FRMPD3: variants seen among roughly 807,000 people sequenced by gnomAD.
FRMPD3 encodes FERM and PDZ domain-containing protein 3.
In FRMPD3, 42 loss-of-function variants were observed where a neutral mutation model predicts 97.9. The observed-to-expected ratio is 0.43, with a 90% CI of 0.34 to 0.55. The LOEUF is 0.55. Among genes scored for constraint, FRMPD3 ranks in the 20% least tolerant of loss-of-function variants. FRMPD3 has a pLI of 0.03. For missense variants in FRMPD3, 1,303 were observed against 1,457.7 expected (o/e 0.89, Z 1.73); for synonymous variants, 577 against 581.1 (o/e 0.99, Z 0.10).
intron 1 of FRMPD3, among the ~76,000 whole-genome samples, chrX:107,467,023 T>TGTGTGTGTGA (rs1170634963): frequency 7.1e-5 from 7 of 98,346 alleles, no homozygotes; most frequent in African/African-American, 2.3e-4. Context: ...TGTGTGTGTG[T>TGTGTGTGTGA]GAGAGAGAGA....
chrX:107,510,690 C>T (rs1922143276), intron 1 of FRMPD3, among the ~76,000 whole-genome samples: 1 of 112,252 alleles, frequency 8.9e-6, no homozygotes, highest in East Asian at 2.8e-4. Flanking sequence ...TTCCCTCCCT[C>T]TCAGCAGGAA....
chrX:107,564,301 C>A (rs1490177784), intron 11 of FRMPD3, among the ~76,000 whole-genome samples: 1 of 112,801 alleles, frequency 8.9e-6, no homozygotes, highest in East Asian at 2.8e-4. Context: ...TTGGCCATAC[C>A]TGCTGGAGTG....
chrX:107,579,896 G>T (rs1923305504), intron 13 of FRMPD3, among the ~76,000 whole-genome samples: 1 of 111,908 alleles, frequency 8.9e-6, no homozygotes, highest in African/African-American at 3.2e-5. Context: ...TATATCCCAT[G>T]AGTGGCTTAC....
intron 1 of FRMPD3, among the ~76,000 whole-genome samples, chrX:107,503,878 G>T (rs1921970304): frequency 8.9e-6 from 1 of 112,165 alleles, no homozygotes; most frequent in Non-Finnish European, 1.9e-5. Flanking sequence ...CAAGGAAGGA[G>T]TATTTGATAC....
chrX:107,530,625 G>A, intron 3 of FRMPD3, 114 bp downstream of exon 3: 1 of 562,055 alleles, frequency 1.8e-6, no homozygotes, highest in South Asian at 2.9e-5. Flanking sequence ...TCCAGGCAGA[G>A]AAGCCCTATA....
Position 107,560,380 on chromosome X carries a change from C to T in FRMPD3, c.886C>T (p.Leu296Phe). The T allele has an allele frequency of 1.7e-6, 2 of 1,209,553 alleles. No homozygotes were observed. Among genetic ancestry groups the T allele is most frequent in the Non-Finnish European group, 2.2e-6 (2 of 895,109 alleles). Residue 296 changes from leucine to phenylalanine, a missense_variant, in exon 9 of 15, where the codon CTC (leucine) becomes TTC (phenylalanine). Leu to Phe is a conservative substitution (Grantham distance 22, BLOSUM62 0). Transcript: ENST00000683843. ...SATRPSQKISLKNVEKEWGLE... is the reference protein window; with the variant it reads ...SATRPSQKISFKNVEKEWGLE... ...CACTCGACCTAGTCAGAAGATCTCG[C>T]TCAAGAATGTGGAGTGAGTTGTGCT...
intron 13 of FRMPD3, among the ~76,000 whole-genome samples, chrX:107,587,837 C>T (rs772241564): frequency 4.1e-4 from 46 of 111,937 alleles, no homozygotes; most frequent in Middle Eastern, 4.7e-3. Flanking sequence ...TGCAGTGGCA[C>T]AGTCTTGGCT....
At chrX:107,480,032 C>T (rs1418568167) in intron 1 of FRMPD3, among the ~76,000 whole-genome samples, 1 of 98,347 alleles carries the variant, frequency 1.0e-5, no homozygotes, top group East Asian at 3.2e-4. Context: ...AACCCTGTCT[C>T]ATTTAAAAAA....
chrX:107,505,290 A>G (rs912435758), intron 1 of FRMPD3, among the ~76,000 whole-genome samples: 1 of 112,314 alleles, frequency 8.9e-6, no homozygotes, highest in Non-Finnish European at 1.9e-5. Flanking sequence ...TGAAGTCCCC[A>G]AAGGATACAT....
Position 107,603,960 on chromosome X carries a change from C to T in FRMPD3, c.*587C>T. 1 of 111,488 alleles carries T rather than the reference C, an allele frequency of 9.0e-6. No individual in the cohort carries two copies. Among genetic ancestry groups the T allele is most frequent in the Non-Finnish European group, 1.9e-5 (1 of 53,136 alleles). 9.2% of individuals were successfully genotyped at this position (111,488 alleles called of 1,213,427 possible). On this transcript the variant is annotated 3_prime_UTR_variant, in exon 15 of 15. Coordinates refer to ENST00000683843, the MANE Select transcript of FRMPD3 (RefSeq NM_001388459.1). ...CCACACTAGGCTGTTTGCAGCGGCC[C>T]AACTGGCCGGCAGCCTGGTGAGCCC...
Position 107,603,478 on chromosome X carries a change from AG to A in FRMPD3, c.*108del. On this transcript the variant is annotated 3_prime_UTR_variant, in exon 15 of 15. Coordinates refer to ENST00000683843, the MANE Select transcript of FRMPD3 (RefSeq NM_001388459.1). ...TGTGTGTGTGTCTGCTGGGCCAGTC[AG>A]GGTCCAAGAGCCCATCAGTCTCCGG... is the stretch of plus-strand genomic sequence containing the variant. The A allele has an allele frequency of 1.8e-6, 2 of 1,091,643 alleles. No homozygotes were observed. The highest frequency in any genetic ancestry group is 2.4e-6 in the Non-Finnish European group (2 of 837,273). The allele number at this position is 1,091,643 out of a possible 1,213,427, so 90.0% of individuals were successfully genotyped here. A position where few individuals can be genotyped will look rare whatever the true frequency, so the allele number is the denominator to read the frequency against.
intron 13 of FRMPD3, among the ~76,000 whole-genome samples, chrX:107,591,944 T>G (rs2147638428): frequency 8.9e-6 from 1 of 111,944 alleles, no homozygotes. Flanking sequence ...TATTTTATTT[T>G]TATTTCAATA....
chrX:107,465,179 A>G (rs1931536647), intron 1 of FRMPD3, among the ~76,000 whole-genome samples: 1 of 111,500 alleles, frequency 9.0e-6, no homozygotes, highest in South Asian at 3.8e-4. Flanking sequence ...CGTGAGAAAT[A>G]GACATGTCTA....
chrX:107,525,721 A>G (rs1015921349), intron 1 of FRMPD3: 1 of 549,573 alleles, frequency 1.8e-6, no homozygotes, highest in South Asian at 2.3e-5. Context: ...ACATTTATTT[A>G]TATATGCTAC....
chrX:107,559,624 G>A lies in FRMPD3; in HGVS notation c.763-633G>A, dbSNP rs756485923. ...CAAAATGGGAAACTGGTCTAACCAA[G>A]GCTGACTCATTGATAGCTGGGGCTG... On this transcript the variant is annotated intron_variant, in intron 8 of 14. Coordinates refer to ENST00000683843, the MANE Select transcript of FRMPD3 (RefSeq NM_001388459.1). 5.3e-4 allele frequency among the ~76,000 whole-genome samples: 60 copies of A among 112,327 alleles called. 1 individual carries two copies. Among genetic ancestry groups the A allele is most frequent in the Non-Finnish European group, 8.1e-4 (43 of 53,243 alleles).
chrX:107,536,718 T>C (rs1923255027), intron 4 of FRMPD3, among the ~76,000 whole-genome samples: 1 of 112,107 alleles, frequency 8.9e-6, no homozygotes, highest in Non-Finnish European at 1.9e-5. Context: ...AGTAAGTGTA[T>C]ATTTAGCCTA....
chrX:107,498,833 C>G (rs1032450390), intron 1 of FRMPD3, among the ~76,000 whole-genome samples: 1 of 111,460 alleles, frequency 9.0e-6, no homozygotes, highest in Non-Finnish European at 1.9e-5. Context: ...TCCACCTATT[C>G]TACAGGAGAG....
intron 12 of FRMPD3, among the ~76,000 whole-genome samples, chrX:107,570,200 G>A (rs1164007540): frequency 1.6e-4 from 15 of 96,399 alleles, no homozygotes; most frequent in Non-Finnish European, 9.9e-5. Context: ...GCGGGGGAGG[G>A]AGGCAGGAAG....
intron 1 of FRMPD3, among the ~76,000 whole-genome samples, chrX:107,466,989 GGTGT>G (rs773231357): frequency 0.026 from 2,505 of 98,106 alleles, 33 homozygotes; most frequent in African/African-American, 0.039. Flanking sequence ...ACAGGTTGGA[GGTGT>G]GTGTGTGTGT....
Sources: gnomAD v4.1 joint callset for allele counts (sites outside exome capture counted in the v4.1 genomes callset) on GRCh38, gnomAD v4.1.1 for gene constraint, MANE v1.5 for transcripts, NCBI Gene and HGNC (gene_info 2026-07-23, HGNC 2026-07-21) for gene names.